Variants in GSK3B observed in about 807,000 individuals in gnomAD.
GSK3B encodes glycogen synthase kinase-3 beta.
Under a neutral mutation model 56.4 loss-of-function variants are expected in GSK3B, and 15 were observed. The observed-to-expected ratio is 0.27, with a 90% CI of 0.18 to 0.41. The LOEUF (loss-of-function observed/expected upper bound fraction) is 0.41, where lower values mean the gene tolerates loss of function less well. Ranked by LOEUF, GSK3B falls within the 10% of genes least tolerant of loss-of-function variation. GSK3B has a pLI of 1.00. For missense variants in GSK3B, 300 were observed against 513.4 expected (o/e 0.58, Z 4.02); for synonymous variants, 181 against 188.9 (o/e 0.96, Z 0.34).
intron 1 of GSK3B, among the ~76,000 whole-genome samples, chr3:120,059,982 A>G (rs562816276): frequency 2.0e-5 from 3 of 152,212 alleles, no homozygotes; most frequent in Non-Finnish European, 4.4e-5. Context: ...ATTCAAAAAA[A>G]ATTTTACTGA....
chr3:119,977,057 A>G (rs2057415284), intron 2 of GSK3B, among the ~76,000 whole-genome samples: 1 of 152,200 alleles, frequency 6.6e-6, no homozygotes, highest in African/African-American at 2.4e-5. Flanking sequence ...ATTTTTTCTC[A>G]GTGGAACAAT....
intron 4 of GSK3B, among the ~76,000 whole-genome samples, chr3:119,922,825 T>C (rs1417303353): frequency 6.6e-6 from 1 of 152,138 alleles, no homozygotes; most frequent in Non-Finnish European, 1.5e-5. Context: ...TTAATACAAA[T>C]TATGCTAGAT....
intron 1 of GSK3B, among the ~76,000 whole-genome samples, chr3:120,082,543 C>T (rs1039690285): frequency 6.6e-6 from 1 of 151,728 alleles, no homozygotes; most frequent in African/African-American, 2.4e-5. Flanking sequence ...TTATAGGCGT[C>T]TGCCACCACG....
chr3:119,993,382 C>T (rs1273455967), intron 2 of GSK3B, among the ~76,000 whole-genome samples: 1 of 151,256 alleles, frequency 6.6e-6, no homozygotes, highest in Non-Finnish European at 1.5e-5. Context: ...TTCTAAGAAG[C>T]GATACATACA....
intron 9 of GSK3B, among the ~76,000 whole-genome samples, chr3:119,857,021 G>A (rs992231044): frequency 5.3e-5 from 8 of 152,198 alleles, no homozygotes; most frequent in South Asian, 2.1e-4. Context: ...TATTAAGTGG[G>A]CAATAAGCAT....
At chr3:120,086,616 G>A (rs561879703) in intron 1 of GSK3B, among the ~76,000 whole-genome samples, 4 of 152,106 alleles carry the variant, frequency 2.6e-5, no homozygotes, top group East Asian at 1.9e-4. Context: ...GCAAGATGGC[G>A]AAACCCCCTC....
chr3:120,078,680 G>T (rs539334799), intron 1 of GSK3B, among the ~76,000 whole-genome samples: 6 of 151,440 alleles, frequency 4.0e-5, no homozygotes, highest in Admixed American at 6.6e-5. Context: ...AGCCTCCCGT[G>T]TAGCTGGGAT....
rs1422341578 is a variant in GSK3B, at chr3:119,962,851, C to A, written c.283-15500G>T. On this transcript the variant is annotated intron_variant, in intron 2 of 10. Transcript: ENST00000264235. ...TTCTACCTCATAAGGAGTGTGCAAC[C>A]TAAATCCCTCGCATGCGGATGTCAC... Among the ~76,000 whole-genome samples, 5 of 152,166 alleles carry A rather than the reference C, an allele frequency of 3.3e-5. No individual in the cohort carries two copies. In the East Asian group the frequency reaches 9.6e-4, roughly 29 times the overall value.
intron 2 of GSK3B, among the ~76,000 whole-genome samples, chr3:119,948,979 G>A (rs1465329318): frequency 6.6e-6 from 1 of 152,224 alleles, no homozygotes; most frequent in Non-Finnish European, 1.5e-5. Flanking sequence ...TGGGATTACA[G>A]GCGTGAGCCA....
intron 1 of GSK3B, among the ~76,000 whole-genome samples, chr3:120,078,655 C>T (rs555523273): frequency 2.0e-5 from 3 of 151,002 alleles, no homozygotes; most frequent in African/African-American, 4.9e-5. Flanking sequence ...GGGGTTCAAG[C>T]GATTCTTCTG....
intron 7 of GSK3B, among the ~76,000 whole-genome samples, chr3:119,886,386 A>T (rs2056436063): frequency 6.6e-6 from 1 of 152,164 alleles, no homozygotes. Context: ...AAGTAAAAAA[A>T]CAACAGATGC....
At chr3:120,067,294 T>C (rs2058288842) in intron 1 of GSK3B, among the ~76,000 whole-genome samples, 1 of 147,232 alleles carries the variant, frequency 6.8e-6, no homozygotes, top group African/African-American at 2.5e-5. Context: ...TGTTATGCAA[T>C]AGGAAATACA....
intron 1 of GSK3B, among the ~76,000 whole-genome samples, chr3:120,051,672 C>A (rs746368251): frequency 7.9e-5 from 12 of 151,092 alleles, no homozygotes; most frequent in Non-Finnish European, 1.2e-4. Context: ...GAGGCTGAGG[C>A]ACGAGAATCA....
intron 7 of GSK3B, among the ~76,000 whole-genome samples, chr3:119,890,744 TAAAA>T (rs11356363): frequency 7.6e-6 from 1 of 130,838 alleles, no homozygotes; most frequent in Non-Finnish European, 1.7e-5. Flanking sequence ...ATTTAAAAAG[TAAAA>T]AAAAAAAAAA....
chr3:119,907,092 T>C (rs1449184796), intron 6 of GSK3B, among the ~76,000 whole-genome samples: 2 of 152,108 alleles, frequency 1.3e-5, no homozygotes, highest in Non-Finnish European at 2.9e-5. Flanking sequence ...TCAAAGCCAA[T>C]AGTAATACTA....
chr3:119,969,555 A>G (rs62264739), intron 2 of GSK3B, among the ~76,000 whole-genome samples: 36,713 of 152,018 alleles, frequency 0.24, 4,880 homozygotes, highest in East Asian at 0.49. Flanking sequence ...GTATTGAACA[A>G]CAGTCAGCCG....
At chr3:119,938,776 A>T (rs549060823) in intron 3 of GSK3B, among the ~76,000 whole-genome samples, 2 of 152,198 alleles carry the variant, frequency 1.3e-5, no homozygotes, top group South Asian at 4.1e-4. Flanking sequence ...TAATACCTAT[A>T]ATAAATCTTA....
Position 120,094,411 on chromosome 3 carries a change from A to C in GSK3B, c.-977T>G. The stretch of plus-strand genomic sequence containing the variant: ...GCGGCGGCGGCGGCGGCGGCGGCAC[A>C]AGCCCGCATTCGCCCGGGTCAGGAG... On this transcript the variant is annotated 5_prime_UTR_variant, in exon 1 of 11. Coordinates refer to ENST00000264235, the MANE Select transcript of GSK3B (RefSeq NM_001146156.2). 3.1e-6 allele frequency: 1 copy of C among 318,860 alleles called. No individual in the cohort carries two copies. The highest frequency in any genetic ancestry group is 4.0e-5 in the South Asian group (1 of 24,874). The allele number at this position is 318,860 out of a possible 1,614,324, so 19.8% of individuals were successfully genotyped here.
intron 7 of GSK3B, among the ~76,000 whole-genome samples, chr3:119,895,763 C>T (rs1001736511): frequency 2.6e-5 from 4 of 152,122 alleles, no homozygotes; most frequent in Admixed American, 2.6e-4. Flanking sequence ...CTTAATTGAT[C>T]TGTATGGCTA....
Sources: gnomAD v4.1 joint callset for allele counts (sites outside exome capture counted in the v4.1 genomes callset) on GRCh38, gnomAD v4.1.1 for gene constraint, MANE v1.5 for transcripts, NCBI Gene and HGNC (gene_info 2026-07-23, HGNC 2026-07-21) for gene names.